Variants in PAK1 observed in about 807,000 individuals in gnomAD.
PAK1 encodes the protein serine/threonine-protein kinase PAK 1.
PAK1 carries 29 observed loss-of-function variants against 67.4 expected under a neutral mutation model. The observed-to-expected ratio is 0.43, with a 90% CI of 0.32 to 0.59. PAK1 has a LOEUF of 0.59. Among genes scored for constraint, PAK1 ranks in the 20% least tolerant of loss-of-function variants. The pLI, the probability that PAK1 is intolerant of heterozygous loss-of-function variation, is 0.07. For synonymous variants in PAK1, 223 were observed against 237.4 expected, an observed-to-expected ratio of 0.94 and a Z score of 0.56; for missense variants, 337 against 670.7, an observed-to-expected ratio of 0.50 and a Z score of 5.50.
intron 5 of PAK1, among the ~76,000 whole-genome samples, 173 bp downstream of exon 5, chr11:77,374,155 T>C (rs925042535): frequency 9.2e-5 from 14 of 152,246 alleles, no homozygotes; most frequent in African/African-American, 3.4e-4. Flanking sequence ...CTGAAAGGGA[T>C]ACCCCCTATT....
At chr11:77,379,430 CA>C (rs758341668) in intron 3 of PAK1, 42 bp from the exon 4 acceptor site, 4 of 1,579,950 alleles carry the variant, frequency 2.5e-6, no homozygotes, top group Non-Finnish European at 2.6e-6. Flanking sequence ...GGCACAGTCA[CA>C]GGGGAGCCTG....
chr11:77,486,920 A>C, the PAK1 span, among the ~76,000 whole-genome samples: 2 of 152,238 alleles, frequency 1.3e-5, no homozygotes, highest in Admixed American at 6.5e-5. Flanking sequence ...TTCCAGGATC[A>C]GAGCCAGTGG....
chr11:77,356,644 C>T (rs181821930), intron 6 of PAK1, among the ~76,000 whole-genome samples: 22 of 152,268 alleles, frequency 1.4e-4, no homozygotes, highest in Non-Finnish European at 5.9e-5. Context: ...TAATCAGACT[C>T]ATCCCCAGCA....
At chr11:77,379,433 G>T in intron 3 of PAK1, 45 bp from the exon 4 acceptor site, 1 of 1,576,870 alleles carries the variant, frequency 6.3e-7, no homozygotes, top group South Asian at 1.1e-5. Context: ...ACAGTCACAG[G>T]GGAGCCTGAA....
the PAK1 span, among the ~76,000 whole-genome samples, chr11:77,521,453 C>T: frequency 2.6e-5 from 4 of 151,788 alleles, no homozygotes; most frequent in Non-Finnish European, 5.9e-5. Flanking sequence ...TGCTTGAACC[C>T]GGGAGGTGGA....
intron 14 of PAK1, among the ~76,000 whole-genome samples, chr11:77,328,721 G>T (rs1049383114): frequency 1.7e-4 from 26 of 152,250 alleles, no homozygotes; most frequent in Middle Eastern, 3.4e-3. Flanking sequence ...ACAATTAAAA[G>T]AACTAGAAAA....
At chr11:77,433,867 G>A (rs1263189412) in intron 1 of PAK1, among the ~76,000 whole-genome samples, 3 of 152,018 alleles carry the variant, frequency 2.0e-5, no homozygotes, top group Admixed American at 6.5e-5. Flanking sequence ...ATATCCAAGT[G>A]GCCAATAAAC....
chr11:77,351,567 A>G (rs2136422936), intron 8 of PAK1, among the ~76,000 whole-genome samples: 1 of 152,258 alleles, frequency 6.6e-6, no homozygotes, highest in South Asian at 2.1e-4. Flanking sequence ...AAACTCACAA[A>G]AGTATGTCTA....
intron 11 of PAK1, among the ~76,000 whole-genome samples, chr11:77,340,354 G>C (rs550164718): frequency 6.6e-6 from 1 of 152,208 alleles, no homozygotes; most frequent in East Asian, 1.9e-4. Context: ...ATTATAACGT[G>C]CTTAGGCAAG....
At chr11:77,468,347 C>T (rs540827187) in intron 1 of PAK1, among the ~76,000 whole-genome samples, 2 of 152,278 alleles carry the variant, frequency 1.3e-5, no homozygotes, top group South Asian at 2.1e-4. Context: ...TCTAGACTTA[C>T]TACTACACTA....
rs112479067 is a variant in PAK1, at chr11:77,336,289, A to C, written c.1217-7T>G. ...GCACAGAATCCAAAGTCAGCTAGAA[A>C]AGAAAAATAAGAGAAAGAACATACA... On this transcript the variant is annotated splice_polypyrimidine_tract_variant and splice_region_variant and intron_variant, in intron 12 of 14. Transcript: ENST00000356341. 3.6e-5 allele frequency: 58 copies of C among 1,592,470 alleles called. No individual in the cohort carries two copies. In the African/African-American group the frequency reaches 5.2e-4, roughly 14 times the overall value.
At chr11:77,504,544 C>T in the PAK1 span, among the ~76,000 whole-genome samples, 106,649 of 152,050 alleles carry the variant, frequency 0.7, 37,780 homozygotes, top group East Asian at 0.93. Context: ...GGGAGTTTCT[C>T]AAAGGTTGTT....
At chr11:77,498,921 G>A in the PAK1 span, among the ~76,000 whole-genome samples, 25,861 of 151,538 alleles carry the variant, frequency 0.17, 2,821 homozygotes, top group South Asian at 0.33. Context: ...GGGTGGTCTC[G>A]AACTCCTGAC....
chr11:77,399,494 T>C (rs1308803201), intron 1 of PAK1, among the ~76,000 whole-genome samples: 1 of 152,076 alleles, frequency 6.6e-6, no homozygotes, highest in South Asian at 2.1e-4. Context: ...GGTGCTGAAG[T>C]TTTACACCAG....
At chr11:77,446,558 T>C (rs1428363490) in intron 1 of PAK1, among the ~76,000 whole-genome samples, 2 of 143,576 alleles carry the variant, frequency 1.4e-5, no homozygotes, top group Non-Finnish European at 3.0e-5. Flanking sequence ...CAAGGTCATA[T>C]AGTTAATAGA....
At position 77,427,746 on chromosome 11, in the gene PAK1, A is replaced by C. The variant is rs1325634333; in HGVS notation, c.-21-35205T>G. On this transcript the variant is annotated intron_variant, in intron 1 of 14. Coordinates refer to ENST00000356341, the MANE Select transcript of PAK1 (RefSeq NM_002576.5). ...TTGTGAAAAGAGAGAGAATGAAGTA[A>C]ATACTCCATCAGAAGTAGAAAAAAA... 2.6e-5 allele frequency among the ~76,000 whole-genome samples: 4 copies of C among 152,206 alleles called. No individual in the cohort carries two copies. The East Asian group carries it at 7.7e-4, about 29-fold the overall frequency.
At position 77,392,504 on chromosome 11, in the gene PAK1, A is replaced by G. The variant is rs1361179730; in HGVS notation, c.17T>C (p.Leu6Pro). 1 of 1,604,138 alleles carries G rather than the reference A, an allele frequency of 6.2e-7. No homozygotes were observed. Among genetic ancestry groups the G allele is most frequent in the Non-Finnish European group, 8.5e-7 (1 of 1,173,522 alleles). Residue 6 changes from leucine to proline, a missense_variant, in exon 2 of 15, where the codon CTA becomes CCA. Transcript: ENST00000356341. ...GGCTGGGGGTTTGTCTTGAATGTCT[A>G]GGCCGTTATTTGACATTGTCACCAC... MSNNGLDIQDKPPAPP... is the reference protein window; with the variant it reads MSNNGPDIQDKPPAPP...
chr11:77,492,422 T>C, the PAK1 span, among the ~76,000 whole-genome samples: 1 of 151,136 alleles, frequency 6.6e-6, no homozygotes, highest in Non-Finnish European at 1.5e-5. Context: ...CAGTACAATA[T>C]GTTATGACCC....
chr11:77,512,279 T>C, the PAK1 span, among the ~76,000 whole-genome samples: 2 of 151,926 alleles, frequency 1.3e-5, no homozygotes, highest in African/African-American at 4.8e-5. Context: ...CCCCTCCCCC[T>C]ATTTCAGATT....
Sources: allele counts gnomAD v4.1 joint callset (sites outside exome capture counted in the v4.1 genomes callset), GRCh38; gene constraint gnomAD v4.1.1; transcripts MANE v1.5; gene names NCBI Gene and HGNC (gene_info 2026-07-23, HGNC 2026-07-21).